TPRG1: variants seen among roughly 807,000 people sequenced by gnomAD.
TPRG1 encodes tumor protein p63-regulated gene 1 protein.
In TPRG1, 29 loss-of-function variants were observed where a neutral mutation model predicts 29.3. The ratio of observed to expected loss-of-function variants is 0.99; its 90% confidence interval spans 0.74 to 1.35. TPRG1 has a LOEUF of 1.35. TPRG1 is among the 40% of genes most tolerant of loss of function. The pLI is 0.00. For missense variants in TPRG1, 327 were observed against 335.0 expected (o/e 0.98, Z 0.19); for synonymous variants, 130 against 116.8 (o/e 1.11, Z -0.73).
chr3:189,075,895 CATT>C lies in TPRG1; in HGVS notation c.-462-51158_-462-51156del, dbSNP rs534572706. Among the ~76,000 whole-genome samples the C allele has an allele frequency of 5.7e-3, 870 of 152,312 alleles. 7 individuals carry two copies. The highest frequency in any genetic ancestry group is 9.1e-3 in the Non-Finnish European group (621 of 68,036). Reference sequence around the variant, plus strand: ...TGTCTTGCATGGAACACTTTTCTTCCATTATTCTATACCTGCCACTTCTGGTTT... The same window carrying C: ...TGTCTTGCATGGAACACTTTTCTTCCATTCTATACCTGCCACTTCTGGTTT... On this transcript the variant is annotated intron_variant, in intron 4 of 10. Transcript: ENST00000433971.
At chr3:189,309,851 G>C (rs1362187807) in intron 4 of TPRG1, 1 of 152,352 alleles carries the variant, frequency 6.6e-6, no homozygotes. Context: ...AATGTGTGCA[G>C]AGAATAGAGG....
chr3:189,215,502 G>A (rs1054603225), intron 3 of TPRG1, 119 bp downstream of exon 3: 1 of 855,096 alleles, frequency 1.2e-6, no homozygotes, highest in Non-Finnish European at 1.8e-6. Flanking sequence ...TAAGATAAAT[G>A]ATTGAATTAC....
intron 1 of TPRG1, among the ~76,000 whole-genome samples, chr3:189,192,710 G>T (rs1405398434): frequency 6.6e-6 from 1 of 152,024 alleles, no homozygotes; most frequent in Non-Finnish European, 1.5e-5. Flanking sequence ...TGGTTTAATG[G>T]TTTTCTGTCA....
intron 1 of TPRG1, among the ~76,000 whole-genome samples, chr3:189,104,499 A>G (rs1719579545): frequency 6.6e-6 from 1 of 152,092 alleles, no homozygotes; most frequent in African/African-American, 2.4e-5. Context: ...GTCAACATAA[A>G]TATTAGCCCA....
At chr3:189,217,878 A>C in intron 3 of TPRG1, 1 of 985,416 alleles carries the variant, frequency 1.0e-6, no homozygotes, top group Non-Finnish European at 1.2e-6. Context: ...AAATTCTAGC[A>C]CACCAAGGCA....
chr3:189,206,761 A>G (rs1047608647), intron 1 of TPRG1, among the ~76,000 whole-genome samples: 1 of 150,984 alleles, frequency 6.6e-6, no homozygotes, highest in Non-Finnish European at 1.5e-5. Context: ...TCAGACTCCT[A>G]GAATGCTGGG....
intron 4 of TPRG1, among the ~76,000 whole-genome samples, chr3:189,040,087 A>G (rs757484674): frequency 5.9e-5 from 9 of 152,096 alleles, no homozygotes; most frequent in Non-Finnish European, 1.3e-4. Context: ...TGCCTCCCTG[A>G]CACCCTAGGG....
chr3:189,092,771 C>T (rs1226665368), intron 4 of TPRG1, among the ~76,000 whole-genome samples: 1 of 152,118 alleles, frequency 6.6e-6, no homozygotes, highest in African/African-American at 2.4e-5. Flanking sequence ...CGCTGACCAG[C>T]ACAGCTGATA....
intron 3 of TPRG1, among the ~76,000 whole-genome samples, chr3:189,142,567 A>G (rs1724716408): frequency 1.3e-5 from 2 of 152,098 alleles, no homozygotes; most frequent in African/African-American, 4.8e-5. Flanking sequence ...TTCTTGTTGT[A>G]GTGACCTTGT....
chr3:189,229,519 T>C (rs575744045), intron 3 of TPRG1, among the ~76,000 whole-genome samples: 1 of 152,316 alleles, frequency 6.6e-6, no homozygotes, highest in Admixed American at 6.5e-5. Flanking sequence ...ACAGAGATAC[T>C]GCAGTTAGTT....
chr3:189,176,521 A>G (rs1729509709), intron 1 of TPRG1, among the ~76,000 whole-genome samples: 1 of 152,240 alleles, frequency 6.6e-6, no homozygotes, highest in Non-Finnish European at 1.5e-5. Context: ...AAACAAAACC[A>G]TTCAGTAAAA....
intron 5 of TPRG1, 144 bp from the exon 6 acceptor site, chr3:189,320,482 A>C: frequency 1.6e-6 from 1 of 625,852 alleles, no homozygotes; most frequent in Non-Finnish European, 2.5e-6. Flanking sequence ...AATAGAGATA[A>C]ATTTAACCAT....
At chr3:189,118,998 G>T (rs1160353497) in intron 1 of TPRG1, among the ~76,000 whole-genome samples, 1 of 152,238 alleles carries the variant, frequency 6.6e-6, no homozygotes, top group Non-Finnish European at 1.5e-5. Flanking sequence ...TCTACATACA[G>T]CTTGCACTGT....
At position 189,018,374 on chromosome 3, in the gene TPRG1, T is replaced by C. The variant is rs1245326098; in HGVS notation, c.-659-5376T>C. 5.5e-4 allele frequency among the ~76,000 whole-genome samples: 83 copies of C among 150,112 alleles called. No individual in the cohort carries two copies. In the East Asian group the frequency reaches 0.014, roughly 26 times the overall value. On this transcript the variant is annotated intron_variant, in intron 3 of 10. Coordinates refer to the TPRG1 transcript ENST00000433971. ...TTTTTATGGTTTTAGGTCTAACGTTTAAGTCTTTAATCCATCTTGAATTGA... is the reference window on the plus strand; with the variant it reads ...TTTTTATGGTTTTAGGTCTAACGTTCAAGTCTTTAATCCATCTTGAATTGA...
At chr3:189,144,763 G>A (rs1364160962) in intron 3 of TPRG1, among the ~76,000 whole-genome samples, 1 of 152,228 alleles carries the variant, frequency 6.6e-6, no homozygotes, top group Non-Finnish European at 1.5e-5. Flanking sequence ...GGTTGTGTTA[G>A]ACACACCCCA....
chr3:189,158,174 CATT>C (rs1726951879), intron 5 of TPRG1, among the ~76,000 whole-genome samples: 1 of 152,202 alleles, frequency 6.6e-6, no homozygotes, highest in Admixed American at 6.5e-5. Context: ...TAGAAATCAT[CATT>C]ATTTCCTGGC....
At chr3:189,224,578 A>C (rs1312484651) in intron 3 of TPRG1, among the ~76,000 whole-genome samples, 1 of 152,218 alleles carries the variant, frequency 6.6e-6, no homozygotes, top group Non-Finnish European at 1.5e-5. Context: ...CAAACAGTTC[A>C]ATGTGGCTGG....
At chr3:189,317,610 A>G (rs1409545136) in intron 5 of TPRG1, among the ~76,000 whole-genome samples, 1 of 152,206 alleles carries the variant, frequency 6.6e-6, no homozygotes, top group Non-Finnish European at 1.5e-5. Flanking sequence ...TCACACAGCT[A>G]TGTGAGTATC....
chr3:189,205,796 T>C (rs566459060), intron 1 of TPRG1, among the ~76,000 whole-genome samples: 18 of 152,334 alleles, frequency 1.2e-4, no homozygotes, highest in African/African-American at 4.3e-4. Context: ...ATGTACAAAA[T>C]AGAAACCAAG....
Sources: gnomAD v4.1 joint callset for allele counts (sites outside exome capture counted in the v4.1 genomes callset) on GRCh38, gnomAD v4.1.1 for gene constraint, MANE v1.5 for transcripts, NCBI Gene and HGNC (gene_info 2026-07-23, HGNC 2026-07-21) for gene names.